ATP2B2: variants seen among roughly 807,000 people sequenced by gnomAD.
The protein encoded by ATP2B2 is plasma membrane calcium-transporting ATPase 2.
In ATP2B2, 15 loss-of-function variants were observed where a neutral mutation model predicts 120.0. The observed-to-expected ratio is 0.12, with a 90% CI of 0.08 to 0.19. ATP2B2 has a LOEUF of 0.19. ATP2B2 is among the 10% of genes least tolerant of loss of function. The pLI, the probability that ATP2B2 is intolerant of heterozygous loss-of-function variation, is 1.00. For missense variants in ATP2B2, 1,045 were observed against 1,719.8 expected (o/e 0.61, Z 6.94); for synonymous variants, 694 against 700.3 (o/e 0.99, Z 0.14).
intron 2 of ATP2B2, among the ~76,000 whole-genome samples, chr3:10,569,472 A>T (rs534379908): frequency 2.0e-4 from 30 of 152,310 alleles, no homozygotes; most frequent in Non-Finnish European, 1.6e-4. Context: ...AGTGATACAG[A>T]TGCTTCTAGA....
intron 5 of ATP2B2, among the ~76,000 whole-genome samples, chr3:10,396,366 G>C (rs907874785): frequency 3.3e-5 from 5 of 152,224 alleles, no homozygotes; most frequent in African/African-American, 9.6e-5. Context: ...ACCTGTCCAG[G>C]GTCACAGGCC....
chr3:10,354,343 G>A (rs3774184), intron 14 of ATP2B2, among the ~76,000 whole-genome samples: 2,855 of 152,182 alleles, frequency 0.019, 81 homozygotes, highest in African/African-American at 0.052. Context: ...TTCCCACATC[G>A]ATAAAATTAC....
chr3:10,580,332 C>T (rs1454337124), intron 2 of ATP2B2, among the ~76,000 whole-genome samples: 7 of 152,204 alleles, frequency 4.6e-5, no homozygotes, highest in African/African-American at 1.7e-4. Flanking sequence ...TTTCCCTGCT[C>T]CACTGGAACC....
intron 1 of ATP2B2, among the ~76,000 whole-genome samples, chr3:10,655,305 C>T (rs2070587860): frequency 6.6e-6 from 1 of 152,222 alleles, no homozygotes; most frequent in African/African-American, 2.4e-5. Context: ...ACAGCTGTGC[C>T]TCTGAGTTTG....
At chr3:10,390,577 C>T (rs1182577259) in intron 5 of ATP2B2, among the ~76,000 whole-genome samples, 1 of 151,730 alleles carries the variant, frequency 6.6e-6, no homozygotes, top group Non-Finnish European at 1.5e-5. Context: ...TCTCAAAGTG[C>T]TTTACAGAGA....
At position 10,340,159 on chromosome 3, in the gene ATP2B2, T is replaced by C. The variant is rs1264558898; in HGVS notation, c.3237+83A>G. 1 of 1,375,814 alleles carries C rather than the reference T, an allele frequency of 7.3e-7. No individual in the cohort carries two copies. The highest frequency in any genetic ancestry group is 1.4e-5 in the African/African-American group (1 of 70,168). 85.2% of individuals were successfully genotyped at this position (1,375,814 alleles called of 1,614,324 possible). A position where few individuals can be genotyped will look rare whatever the true frequency, so the allele number is the denominator to read the frequency against. ...GCTTGCCTGGGGTCTGGCAGCCCAT[T>C]CCTGGGGGTCCTGGATTCTCCATCC... is the stretch of plus-strand genomic sequence containing the variant. On this transcript the variant is annotated intron_variant, in intron 21 of 22. Coordinates refer to ENST00000360273, the MANE Select transcript of ATP2B2 (RefSeq NM_001001331.4). The surrounding 1 kb of genome is among the most constrained non-coding windows in gnomAD (Gnocchi z 5.0).
chr3:10,469,864 T>C (rs991962033), intron 1 of ATP2B2, among the ~76,000 whole-genome samples: 1 of 152,102 alleles, frequency 6.6e-6, no homozygotes, highest in Non-Finnish European at 1.5e-5. Flanking sequence ...GGGCTGCTGA[T>C]GGACACCCTG....
chr3:10,562,673 GATCATTGAAT>G (rs1482437736), intron 2 of ATP2B2, among the ~76,000 whole-genome samples: 1 of 152,138 alleles, frequency 6.6e-6, no homozygotes, highest in Non-Finnish European at 1.5e-5. Flanking sequence ...ACCTCAAGTT[GATCATTGAAT>G]TGGTAGCAGT....
At chr3:10,563,654 C>T (rs542875123) in intron 2 of ATP2B2, among the ~76,000 whole-genome samples, 1 of 152,380 alleles carries the variant, frequency 6.6e-6, no homozygotes, top group East Asian at 1.9e-4. Context: ...GGGGCTGATG[C>T]TGTGGCTGCT....
intron 2 of ATP2B2, among the ~76,000 whole-genome samples, chr3:10,544,967 C>T (rs1237197380): frequency 1.3e-5 from 2 of 152,278 alleles, no homozygotes; most frequent in East Asian, 3.9e-4. Flanking sequence ...AGAGCCAAAC[C>T]CTGGAAACAA....
At chr3:10,567,537 T>C (rs1177812439) in intron 2 of ATP2B2, among the ~76,000 whole-genome samples, 1 of 152,208 alleles carries the variant, frequency 6.6e-6, no homozygotes, top group Non-Finnish European at 1.5e-5. Flanking sequence ...TGGGCATGAC[T>C]TCTGTGAGTC....
At chr3:10,538,084 G>A (rs2067357498) in intron 2 of ATP2B2, among the ~76,000 whole-genome samples, 1 of 152,216 alleles carries the variant, frequency 6.6e-6, no homozygotes, top group African/African-American at 2.4e-5. Context: ...ACACATGACG[G>A]ATGTTAAGTC....
chr3:10,538,303 A>G (rs549038973), intron 2 of ATP2B2, among the ~76,000 whole-genome samples: 3 of 152,348 alleles, frequency 2.0e-5, no homozygotes, highest in African/African-American at 7.2e-5. Flanking sequence ...AGGTACAAAG[A>G]GGAGCTGGTA....
chr3:10,352,930 G>C (rs189799907), intron 14 of ATP2B2, among the ~76,000 whole-genome samples: 16 of 150,668 alleles, frequency 1.1e-4, no homozygotes, highest in African/African-American at 3.5e-4. Flanking sequence ...AGTTGGAAAG[G>C]GTTTTGGGTC....
intron 2 of ATP2B2, among the ~76,000 whole-genome samples, chr3:10,413,298 T>G (rs1055783637): frequency 6.6e-6 from 1 of 152,144 alleles, no homozygotes; most frequent in African/African-American, 2.4e-5. Context: ...GACCATGAGA[T>G]CTCCATCAGG....
chr3:10,376,830 C>T (rs1452568849), intron 10 of ATP2B2, among the ~76,000 whole-genome samples: 4 of 141,438 alleles, frequency 2.8e-5, no homozygotes, highest in African/African-American at 8.1e-5. Context: ...CAGTGGGAGT[C>T]ACGGAGGAGG....
At chr3:10,454,382 C>T (rs2064180533) in intron 1 of ATP2B2, among the ~76,000 whole-genome samples, 1 of 152,180 alleles carries the variant, frequency 6.6e-6, no homozygotes, top group Non-Finnish European at 1.5e-5. Flanking sequence ...AAATACACAA[C>T]TGTCTGCTAG....
At chr3:10,466,421 T>C (rs1194506092) in intron 1 of ATP2B2, among the ~76,000 whole-genome samples, 1 of 152,106 alleles carries the variant, frequency 6.6e-6, no homozygotes, top group Non-Finnish European at 1.5e-5. Context: ...AGAAAGCATG[T>C]GCATTTCGGA....
At chr3:10,430,591 T>C (rs148049628) in intron 2 of ATP2B2, among the ~76,000 whole-genome samples, 308 of 152,140 alleles carry the variant, frequency 2.0e-3, no homozygotes, top group Non-Finnish European at 3.6e-3. Context: ...AGCAATTCAC[T>C]CACTTCTTCA....
Sources: gnomAD v4.1 joint callset for allele counts (sites outside exome capture counted in the v4.1 genomes callset) on GRCh38, gnomAD v4.1.1 for gene constraint, Gnocchi (gnomAD v3.1) non-coding constraint, MANE v1.5 for transcripts, NCBI Gene and HGNC (gene_info 2026-07-23, HGNC 2026-07-21) for gene names.